The following PRIM2 variants were observed in gnomAD, a reference collection of about 807,000 sequenced individuals.
The protein encoded by PRIM2 is DNA primase large subunit.
PRIM2 carries 39 observed loss-of-function variants against 67.3 expected under a neutral mutation model. The observed-to-expected ratio is 0.58, with a 90% confidence interval of 0.45 to 0.76. The LOEUF is 0.76. PRIM2 is among the 30% of genes least tolerant of loss of function. The pLI is 0.00. For synonymous variants in PRIM2, 143 were observed against 198.7 expected (o/e 0.72, Z 2.36); for missense variants, 398 against 598.7 (o/e 0.66, Z 3.50).
the PRIM2 span, among the ~76,000 whole-genome samples, chr6:57,260,865 G>T: frequency 6.6e-6 from 1 of 152,180 alleles, no homozygotes; most frequent in Admixed American, 6.5e-5. Flanking sequence ...AAAGTCAGCA[G>T]GAAAATCAAG....
At chr6:57,491,255 A>G (rs1773883351) in intron 7 of PRIM2, among the ~76,000 whole-genome samples, 1 of 152,246 alleles carries the variant, frequency 6.6e-6, no homozygotes, top group East Asian at 1.9e-4. Flanking sequence ...TTCAGCCCCT[A>G]TGTTCTCAGT....
At chr6:57,346,898 T>C (rs4712146) in intron 5 of PRIM2, among the ~76,000 whole-genome samples, 19,569 of 152,148 alleles carry the variant, frequency 0.13, 1,408 homozygotes, top group African/African-American at 0.18. Context: ...ATCCATTTGG[T>C]CCAGGCCCTG....
chr6:57,516,763 A>G (rs1262493158), intron 8 of PRIM2, among the ~76,000 whole-genome samples: 2 of 151,958 alleles, frequency 1.3e-5, no homozygotes, highest in Non-Finnish European at 2.9e-5. Flanking sequence ...TTGAACACAT[A>G]TTAAAGGAAC....
the PRIM2 span, among the ~76,000 whole-genome samples, chr6:57,226,161 G>A: frequency 1.3e-5 from 2 of 151,994 alleles, no homozygotes; most frequent in African/African-American, 4.8e-5. Flanking sequence ...TGTTAAGGGA[G>A]ACCAAAAAAG....
chr6:57,601,411 G>T (rs1776461471), intron 11 of PRIM2, among the ~76,000 whole-genome samples, 192 bp downstream of exon 11: 1 of 152,234 alleles, frequency 6.6e-6, no homozygotes, highest in Non-Finnish European at 1.5e-5. Flanking sequence ...GGTCAGGCAA[G>T]AGAAATTCAT....
chr6:57,309,511 G>A, the PRIM2 span, among the ~76,000 whole-genome samples: 1 of 151,998 alleles, frequency 6.6e-6, no homozygotes, highest in Non-Finnish European at 1.5e-5. Flanking sequence ...TGGTGTATAT[G>A]TGCCACATTT....
intron 10 of PRIM2, among the ~76,000 whole-genome samples, chr6:57,549,968 C>T (rs1164546117): frequency 3.3e-5 from 5 of 151,988 alleles, no homozygotes; most frequent in African/African-American, 7.3e-5. Context: ...ACCTGTAATC[C>T]CAGCTACTCG....
intron 5 of PRIM2, among the ~76,000 whole-genome samples, chr6:57,370,562 A>G (rs1297436913): frequency 7.9e-5 from 12 of 152,176 alleles, no homozygotes; most frequent in Admixed American, 5.2e-4. Context: ...GAAAACCAGA[A>G]TATTTACTCA....
chr6:57,426,816 C>T (rs60239486), intron 7 of PRIM2, among the ~76,000 whole-genome samples: 5,021 of 152,180 alleles, frequency 0.033, 277 homozygotes, highest in African/African-American at 0.11. Context: ...TGAGGTTTCT[C>T]CTTGGCTAAA....
intron 5 of PRIM2, among the ~76,000 whole-genome samples, chr6:57,336,614 T>C (rs1308173155): frequency 6.6e-6 from 1 of 151,860 alleles, no homozygotes; most frequent in Non-Finnish European, 1.5e-5. Context: ...AAACTAAGCT[T>C]CATAAGTGAA....
chr6:57,545,935 A>G (rs1204158131), intron 10 of PRIM2, among the ~76,000 whole-genome samples: 10 of 152,226 alleles, frequency 6.6e-5, no homozygotes, highest in Admixed American at 3.3e-4. Context: ...GTCTGGAGAC[A>G]TAGATCTTTT....
chr6:57,325,787 G>A (rs192201356), intron 4 of PRIM2, 138 bp from the exon 5 acceptor site: 144 of 774,324 alleles, frequency 1.9e-4, no homozygotes, highest in Admixed American at 1.4e-4. Context: ...TCTCCTTACC[G>A]TGATAGAGGA....
At chr6:57,386,848 A>G (rs1469118934) in intron 7 of PRIM2, among the ~76,000 whole-genome samples, 1 of 151,882 alleles carries the variant, frequency 6.6e-6, no homozygotes, top group Non-Finnish European at 1.5e-5. Context: ...AAGTACCCTA[A>G]AGTAGATTTT....
intron 5 of PRIM2, among the ~76,000 whole-genome samples, chr6:57,371,675 TA>T (rs2127324378): frequency 6.6e-6 from 1 of 152,344 alleles, no homozygotes; most frequent in African/African-American, 2.4e-5. Context: ...AAATTTGAAA[TA>T]TATTTTTATA....
intron 7 of PRIM2, among the ~76,000 whole-genome samples, chr6:57,482,522 A>G (rs1310278975): frequency 2.0e-5 from 3 of 152,200 alleles, no homozygotes; most frequent in African/African-American, 7.2e-5. Flanking sequence ...GTTCATTGGT[A>G]TATGCAAAGG....
At chr6:57,626,966 T>G (rs1776958710) in intron 12 of PRIM2, among the ~76,000 whole-genome samples, 1 of 151,800 alleles carries the variant, frequency 6.6e-6, no homozygotes, top group Non-Finnish European at 1.5e-5. Context: ...TGGACTTTAT[T>G]CAACTGATAG....
chr6:57,334,979 AG>A (rs1164485759), intron 5 of PRIM2, among the ~76,000 whole-genome samples: 1 of 152,238 alleles, frequency 6.6e-6, no homozygotes, highest in African/African-American at 2.4e-5. Context: ...AGTGCCAGAC[AG>A]TGGGCGCAGG....
chr6:57,433,773 A>T (rs1369309580), intron 7 of PRIM2, among the ~76,000 whole-genome samples: 1 of 152,148 alleles, frequency 6.6e-6, no homozygotes, highest in Admixed American at 6.6e-5. Flanking sequence ...AGTGTGTAGC[A>T]ACTTATTTCA....
chr6:57,453,959 C>A lies in PRIM2; in HGVS notation c.694-53428C>A, dbSNP rs113169104. ...AGCTCTTATTATTTTGAGATACATC[C>A]CATCAGTACCTAATTTATTGAGAGT... On this transcript the variant is annotated intron_variant, in intron 7 of 13. Transcript: ENST00000615550. 5.9e-5 allele frequency among the ~76,000 whole-genome samples: 9 copies of A among 152,200 alleles called. No individual in the cohort carries two copies. The East Asian group carries it at 1.7e-3, about 29-fold the overall frequency.
Sources: gnomAD v4.1 joint callset for allele counts (sites outside exome capture counted in the v4.1 genomes callset) on GRCh38, gnomAD v4.1.1 for gene constraint, MANE v1.5 for transcripts, NCBI Gene and HGNC (gene_info 2026-07-23, HGNC 2026-07-21) for gene names.